The following RSU1 variants were observed in gnomAD, a reference collection of about 807,000 sequenced individuals.
RSU1 encodes the protein rsu-1.
In RSU1, 26 loss-of-function variants were observed where a neutral mutation model predicts 31.1. The ratio of observed to expected loss-of-function variants is 0.84; its 90% CI spans 0.61 to 1.16. RSU1 has a LOEUF of 1.16. RSU1 is among the 50% of genes most tolerant of loss of function. RSU1 has a pLI of 0.00. For missense variants in RSU1, 320 were observed against 339.1 expected (o/e 0.94, Z 0.44); for synonymous variants, 164 against 136.3 (o/e 1.20, Z -1.41).
intron 2 of RSU1, among the ~76,000 whole-genome samples, chr10:16,792,472 C>A (rs1837944487): frequency 6.6e-6 from 1 of 152,168 alleles, no homozygotes; most frequent in Non-Finnish European, 1.5e-5. Context: ...ACCTCGTGAT[C>A]CACCCGCCTC....
intron 2 of RSU1, among the ~76,000 whole-genome samples, chr10:16,799,637 A>T (rs1838108919): frequency 6.6e-6 from 1 of 151,886 alleles, no homozygotes; most frequent in East Asian, 1.9e-4. Flanking sequence ...TAGAAAAAAA[A>T]ATCCCTCTGT....
intron 5 of RSU1, among the ~76,000 whole-genome samples, chr10:16,754,028 G>T (rs891774289): frequency 6.6e-6 from 1 of 152,082 alleles, no homozygotes; most frequent in Admixed American, 6.6e-5. Context: ...CCCGAGAACT[G>T]CATGTTAATA....
intron 7 of RSU1, among the ~76,000 whole-genome samples, chr10:16,711,164 T>A (rs1289770549): frequency 6.6e-6 from 1 of 152,182 alleles, no homozygotes; most frequent in Non-Finnish European, 1.5e-5. Context: ...CAAGAACTTA[T>A]CTATTTCTTC....
chr10:16,808,801 T>A (rs1035336541), intron 2 of RSU1, among the ~76,000 whole-genome samples: 2 of 152,158 alleles, frequency 1.3e-5, no homozygotes, highest in African/African-American at 4.8e-5. Flanking sequence ...AAAGAGGCGA[T>A]CAGGTTAAAA....
In RSU1 at chr10:16,654,812, G is replaced by A. The variant is rs183149707; in HGVS notation, c.731+40211C>T. Among the ~76,000 whole-genome samples, 111 of 151,810 alleles carry A rather than the reference G, an allele frequency of 7.3e-4. 1 individual carries two copies. The highest frequency in any genetic ancestry group is 2.5e-3 in the African/African-American group (102 of 41,378). On this transcript the variant is annotated intron_variant, in intron 8 of 8. Transcript: ENST00000345264. ...AGTGGCTCATGCCTATAATCCGAGC[G>A]CTCCTGGAAGCCAAGGTGGGAGGAT...
At position 16,591,281 on chromosome 10, in the gene RSU1, C is replaced by CACTG. The variant is rs1473298848; in HGVS notation, c.*2109_*2112dup. Reference sequence around the variant, plus strand: ...ACCGTAATTCATTGAACCCCTTTTCCACTGACAGGGATCAGGCTTTTCTCT... The same window carrying CACTG: ...ACCGTAATTCATTGAACCCCTTTTCCACTGACTGACAGGGATCAGGCTTTTCTCT... On this transcript the variant is annotated 3_prime_UTR_variant, in exon 9 of 9. Transcript: ENST00000345264. The CACTG allele has an allele frequency of 6.6e-6, 1 of 152,144 alleles. No individual in the cohort carries two copies. Among genetic ancestry groups the CACTG allele is most frequent in the African/African-American group, 2.4e-5 (1 of 41,424 alleles). 9.4% of individuals were successfully genotyped at this position (152,144 alleles called of 1,614,324 possible).
chr10:16,721,310 A>G (rs1244384292), intron 7 of RSU1: 1 of 152,376 alleles, frequency 6.6e-6, no homozygotes, highest in African/African-American at 2.4e-5. Flanking sequence ...AAAAACCACA[A>G]TGCAAACAGG....
In RSU1 at chr10:16,646,089, CAT is replaced by C. The variant is rs769835213; in HGVS notation, c.731+48932_731+48933del. Among the ~76,000 whole-genome samples the C allele has an allele frequency of 1.6e-3, 195 of 119,270 alleles. 13 individuals carry two copies. The highest frequency in any genetic ancestry group is 5.5e-3 in the African/African-American group (144 of 26,258). The allele number at this position is 119,270 out of a possible 152,430, so 78.2% of individuals were successfully genotyped here. A position where few individuals can be genotyped will look rare whatever the true frequency, so the allele number is the denominator to read the frequency against. On this transcript the variant is annotated intron_variant, in intron 8 of 8. Transcript: ENST00000345264. ...ACACACACACACACACACACACACA[CAT>C]ACATATATAAATGTGCATTCAAAAC...
intron 7 of RSU1, 84 bp downstream of exon 7, chr10:16,752,455 G>C (rs1384638297): frequency 2.1e-6 from 2 of 970,510 alleles, no homozygotes; most frequent in African/African-American, 3.2e-5. Flanking sequence ...GCCAAGAAGA[G>C]GACAGAGGTT....
rs17138880 is a variant in RSU1, at chr10:16,624,022, G to C, written c.732-30526C>G. 5.2e-3 allele frequency among the ~76,000 whole-genome samples: 794 copies of C among 151,996 alleles called. 7 individuals are homozygous for C. The highest frequency in any genetic ancestry group is 0.018 in the African/African-American group (752 of 41,448). On this transcript the variant is annotated intron_variant, in intron 8 of 8. Transcript: ENST00000345264. ...ACCCAGTTCTGCTTCTCAGTCTAAG[G>C]GCTCACATTCAGTCTTCTGTTTGTA...
At chr10:16,743,389 C>T (rs969961842) in intron 7 of RSU1, among the ~76,000 whole-genome samples, 3 of 152,176 alleles carry the variant, frequency 2.0e-5, no homozygotes, top group African/African-American at 7.2e-5. Flanking sequence ...TTGGTCCCAT[C>T]ATCTTTAAAA....
At chr10:16,674,915 C>G (rs1358493488) in intron 8 of RSU1, among the ~76,000 whole-genome samples, 1 of 152,070 alleles carries the variant, frequency 6.6e-6, no homozygotes, top group African/African-American at 2.4e-5. Flanking sequence ...CGCCTGTAAT[C>G]CCAGCTACTC....
At chr10:16,712,947 G>A (rs749093599) in intron 7 of RSU1, among the ~76,000 whole-genome samples, 7 of 152,106 alleles carry the variant, frequency 4.6e-5, no homozygotes, top group Non-Finnish European at 8.8e-5. Context: ...CTTCATTTCT[G>A]AAGGATAACT....
rs758235253 is a variant in RSU1, at chr10:16,817,094, A to C, written c.-3-10T>G. On this transcript the variant is annotated splice_polypyrimidine_tract_variant and intron_variant, in intron 1 of 8. Coordinates refer to ENST00000345264, the MANE Select transcript of RSU1 (RefSeq NM_012425.4). ...GAGACTTGGACATGGTCTGCACCGA[A>C]CAACAACAAAGCACGTGGGCGATGA... The C allele has an allele frequency of 1.1e-5, 17 of 1,588,832 alleles. No homozygotes were observed. The Admixed American group carries it at 2.0e-4, about 19-fold the overall frequency.
At chr10:16,700,786 C>T (rs1285696849) in intron 7 of RSU1, among the ~76,000 whole-genome samples, 2 of 152,112 alleles carry the variant, frequency 1.3e-5, no homozygotes, top group Non-Finnish European at 2.9e-5. Context: ...ATTTCATTAC[C>T]AGGTGATAAG....
At chr10:16,645,636 C>T (rs1175137191) in intron 8 of RSU1, among the ~76,000 whole-genome samples, 1 of 151,480 alleles carries the variant, frequency 6.6e-6, no homozygotes, top group African/African-American at 2.4e-5. Flanking sequence ...GGCAAAACCT[C>T]ATCTCTACTA....
chr10:16,715,741 T>C (rs1289211832), intron 7 of RSU1, among the ~76,000 whole-genome samples: 1 of 152,232 alleles, frequency 6.6e-6, no homozygotes, highest in Non-Finnish European at 1.5e-5. Flanking sequence ...AATTGTTAAA[T>C]CCTTCAGTTT....
At position 16,761,425 on chromosome 10, in the gene RSU1, C is replaced by T. The variant is rs115972190; in HGVS notation, c.281+2965G>A. Reference sequence around the variant, plus strand: ...AAGGAACTTGGTAAATCCTCATTCACTGAACAACAGACATCCAGGATTCCC... The same window carrying T: ...AAGGAACTTGGTAAATCCTCATTCATTGAACAACAGACATCCAGGATTCCC... On this transcript the variant is annotated intron_variant, in intron 4 of 8. Transcript: ENST00000345264. Among the ~76,000 whole-genome samples the T allele has an allele frequency of 5.9e-3, 899 of 152,306 alleles. 13 individuals are homozygous for T. Among genetic ancestry groups the T allele is most frequent in the African/African-American group, 0.021 (859 of 41,570 alleles).
chr10:16,742,308 G>T (rs1836770423), intron 7 of RSU1, among the ~76,000 whole-genome samples: 1 of 152,146 alleles, frequency 6.6e-6, no homozygotes, highest in Admixed American at 6.5e-5. Context: ...ATATAAATAT[G>T]AAAGACTGAT....
Sources: allele counts gnomAD v4.1 joint callset (sites outside exome capture counted in the v4.1 genomes callset), GRCh38; gene constraint gnomAD v4.1.1; transcripts MANE v1.5; gene names NCBI Gene and HGNC (gene_info 2026-07-23, HGNC 2026-07-21).